The following BIRC6 variants were observed in gnomAD, a reference collection of about 807,000 sequenced individuals.
The protein encoded by BIRC6 is baculoviral IAP repeat containing 6.
Under a neutral mutation model 503.3 loss-of-function variants are expected in BIRC6, and 98 were observed. The observed-to-expected ratio is 0.19, with a 90% confidence interval of 0.17 to 0.23. The LOEUF (loss-of-function observed/expected upper bound fraction) is 0.23. Ranked by LOEUF, BIRC6 falls within the 10% of genes least tolerant of loss-of-function variation. BIRC6 has a pLI of 1.00. For missense variants in BIRC6, 5,360 were observed against 5,806.0 expected, an observed-to-expected ratio of 0.92 and a Z score of 2.50; for synonymous variants, 2,240 against 2,078.7, an observed-to-expected ratio of 1.08 and a Z score of -2.11.
At chr2:32,505,535 T>C (rs2053696122) in intron 50 of BIRC6, among the ~76,000 whole-genome samples, 1 of 152,232 alleles carries the variant, frequency 6.6e-6, no homozygotes, top group African/African-American at 2.4e-5. Context: ...ATGTTAGTTT[T>C]TTCAGCCCAG....
At chr2:32,582,654 A>C (rs1046391019) in intron 66 of BIRC6, among the ~76,000 whole-genome samples, 1 of 152,082 alleles carries the variant, frequency 6.6e-6, no homozygotes, top group Non-Finnish European at 1.5e-5. Flanking sequence ...AATCCCAGCT[A>C]CCGAGGCAGG....
chr2:32,431,021 A>G lies in BIRC6; in HGVS notation c.3179A>G (p.Gln1060Arg), dbSNP rs761785820. 7 of 1,613,166 alleles carry G rather than the reference A, an allele frequency of 4.3e-6. No homozygotes were observed. In the Admixed American group the frequency reaches 5.0e-5, roughly 12 times the overall value. The stretch of plus-strand genomic sequence containing the variant: ...GAACAGCAGCAAAGGAGGCATCCTC[A>G]ACATTTGCATCAGCAACACCATGGT... Reference protein sequence around the residue: ...QQEQQQRRHPQHLHQQHHGDA... With the variant: ...QQEQQQRRHPRHLHQQHHGDA... The change falls in exon 12 of 74, where the codon CAA becomes CGA. Residue 1060 changes from glutamine (Q) to arginine (R), a missense_variant. Gln to Arg is a conservative substitution (Grantham distance 43). This residue lies in a region of BIRC6 where 8 missense variants were observed against 29.3 expected (regional missense o/e 0.27). Transcript: ENST00000421745.
intron 13 of BIRC6, 30 bp downstream of exon 13, chr2:32,433,834 G>A (rs1329182969): frequency 7.0e-7 from 1 of 1,435,868 alleles, no homozygotes; most frequent in Non-Finnish European, 9.4e-7. Flanking sequence ...TATCTTTGAA[G>A]ATTTTATTTT....
At chr2:32,480,634 T>C (rs1276204360) in intron 37 of BIRC6, among the ~76,000 whole-genome samples, 3 of 60,270 alleles carry the variant, frequency 5.0e-5, no homozygotes, top group Non-Finnish European at 1.1e-4. Flanking sequence ...TTTTTTTTTT[T>C]TTTTTTTTTT....
At position 32,499,865 on chromosome 2, in the gene BIRC6, A is replaced by G. The variant is rs147547160; in HGVS notation, c.8787A>G (p.Leu2929=). Reference sequence around the variant, plus strand: ...ATTTGTTAAAACTTGTTAACATTTTAGTGCAGCTGCCTCTTTCAGGCAATA... The same window carrying G: ...ATTTGTTAAAACTTGTTAACATTTTGGTGCAGCTGCCTCTTTCAGGCAATA... The part of the protein sequence containing the change: ...MFDLLKLVNI[L]VQLPLSGNRE... The change falls in exon 46 of 74, where the codon TTA becomes TTG. Residue 2929 remains leucine, a synonymous_variant. Transcript: ENST00000421745. 315 of 1,613,922 alleles carry G rather than the reference A, an allele frequency of 2.0e-4. No homozygotes were observed. Among genetic ancestry groups the G allele is most frequent in the Non-Finnish European group, 1.4e-4 (162 of 1,179,898 alleles).
chr2:32,496,120 C>T (rs2052437879), intron 45 of BIRC6, among the ~76,000 whole-genome samples: 1 of 152,072 alleles, frequency 6.6e-6, no homozygotes, highest in South Asian at 2.1e-4. Context: ...CATGAGCCAC[C>T]GCACCCCGCC....
intron 70 of BIRC6, 187 bp from the exon 71 acceptor site, chr2:32,602,819 C>T: frequency 2.2e-6 from 1 of 460,456 alleles, no homozygotes. Flanking sequence ...GTTATAATGC[C>T]TCACAAATTT....
At position 32,477,529 on chromosome 2, in the gene BIRC6, T is replaced by G; in HGVS notation, c.7014T>G (p.Phe2338Leu). 1 of 1,613,972 alleles carries G rather than the reference T, an allele frequency of 6.2e-7. No individual in the cohort carries two copies. The highest frequency in any genetic ancestry group is 8.5e-7 in the Non-Finnish European group (1 of 1,179,860). ...CAGTAGTCCAGAAACTTGTTCTGTT[T>G]CTTCTCTCCATGGACTTTACATGTC... ...CISVVQKLVL[F>L]LLSMDFTCHA... Residue 2338 changes from phenylalanine (F) to leucine (L), a missense_variant, in exon 35 of 74, where the codon TTT becomes TTG. Physicochemically the swap from Phe to Leu is conservative, Grantham distance 22. Coordinates refer to ENST00000421745, the MANE Select transcript of BIRC6 (RefSeq NM_016252.4).
chr2:32,463,148 A>G (rs2048182251), intron 23 of BIRC6, 46 bp from the exon 24 acceptor site: 15 of 1,484,510 alleles, frequency 1.0e-5, no homozygotes, highest in Non-Finnish European at 1.4e-5. Context: ...CCTTTTCTTC[A>G]TCCTGGTGTT....
chr2:32,433,781 C>T lies in BIRC6; in HGVS notation c.3386C>T (p.Ala1129Val). The T allele has an allele frequency of 1.3e-6, 2 of 1,576,322 alleles. No individual in the cohort carries two copies. The highest frequency in any genetic ancestry group is 1.7e-6 in the Non-Finnish European group (2 of 1,152,252). ...QIQVTLLKNK[A>V]PGLGKVNALN... ...CAAGTGACACTGCTGAAAAATAAAGCTCCAGGATTAGGGAAAGTCAATGGT... is the reference window on the plus strand; with the variant it reads ...CAAGTGACACTGCTGAAAAATAAAGTTCCAGGATTAGGGAAAGTCAATGGT... Residue 1129 changes from alanine to valine, a missense_variant, in exon 13 of 74, where the codon GCT becomes GTT. By Grantham distance (64) the Ala-to-Val change is moderately conservative (BLOSUM62 0). Around this residue, in one of 16 missense-constraint regions of BIRC6, gnomAD observed 2,299 missense variants for 2,267.2 expected, o/e 1.01. Coordinates refer to ENST00000421745, the MANE Select transcript of BIRC6 (RefSeq NM_016252.4).
chr2:32,603,105 T>C, intron 71 of BIRC6, 22 bp downstream of exon 71: 1 of 1,590,034 alleles, frequency 6.3e-7, no homozygotes, highest in Non-Finnish European at 8.6e-7. Flanking sequence ...TTCTCTGACA[T>C]TTTCACTTAA....
chr2:32,383,707 A>G lies in BIRC6; in HGVS notation c.645+3417A>G, dbSNP rs759938911. Among the ~76,000 whole-genome samples the G allele has an allele frequency of 2.6e-5, 4 of 151,472 alleles. 1 individual carries two copies. The Middle Eastern group carries it at 0.01, about 386-fold the overall frequency. ...CCACCACACCTGGCTAATTTTTTGT[A>G]TTTTAGTAGAGACGGGGTTTCACTG... On this transcript the variant is annotated intron_variant, in intron 3 of 73. Transcript: ENST00000421745.
At chr2:32,438,089 G>C (rs559539826) in intron 15 of BIRC6, among the ~76,000 whole-genome samples, 271 of 152,236 alleles carry the variant, frequency 1.8e-3, no homozygotes, top group Non-Finnish European at 2.9e-3. Flanking sequence ...ACCACGTCTG[G>C]TCAAAAATAC....
At chr2:32,491,909 A>G (rs1338472738) in intron 44 of BIRC6, among the ~76,000 whole-genome samples, 4 of 152,142 alleles carry the variant, frequency 2.6e-5, no homozygotes, top group South Asian at 4.1e-4. Context: ...TACTTCTACT[A>G]TCAAGATTAT....
At chr2:32,392,926 A>G (rs1219998618) in intron 5 of BIRC6, among the ~76,000 whole-genome samples, 1 of 152,032 alleles carries the variant, frequency 6.6e-6, no homozygotes, top group Non-Finnish European at 1.5e-5. Flanking sequence ...TAAGTGTGAG[A>G]CACTGTGCTA....
intron 71 of BIRC6, 58 bp downstream of exon 71, chr2:32,603,141 A>T (rs2062180280): frequency 2.8e-6 from 4 of 1,411,986 alleles, no homozygotes; most frequent in Admixed American, 2.3e-5. Flanking sequence ...GTAGTATTTT[A>T]AAAAATTTTT....
chr2:32,544,813 T>C (rs1414234403), intron 62 of BIRC6, among the ~76,000 whole-genome samples: 1 of 152,066 alleles, frequency 6.6e-6, no homozygotes. Context: ...AAACCTGTGT[T>C]ATTCAGGTGT....
chr2:32,568,705 A>G (rs759715381), intron 65 of BIRC6, among the ~76,000 whole-genome samples: 1 of 151,770 alleles, frequency 6.6e-6, no homozygotes, highest in Non-Finnish European at 1.5e-5. Flanking sequence ...TTAGTCCGGC[A>G]TGGTGGCATG....
At chr2:32,513,619 G>A (rs1206324561) in intron 54 of BIRC6, among the ~76,000 whole-genome samples, 1 of 152,028 alleles carries the variant, frequency 6.6e-6, no homozygotes, top group Non-Finnish European at 1.5e-5. Flanking sequence ...CAAAAATGCA[G>A]AAGTCAGAAA....
Sources: gnomAD v4.1 joint callset for allele counts (sites outside exome capture counted in the v4.1 genomes callset) on GRCh38, gnomAD v4.1.1 for gene constraint, gnomAD v4.1.1 regional missense constraint, MANE v1.5 for transcripts, NCBI Gene and HGNC (gene_info 2026-07-23, HGNC 2026-07-21) for gene names.